BAK1: variants seen among roughly 807,000 people sequenced by gnomAD.
BAK1 encodes the protein BCL2 antagonist/killer 1.
In BAK1, 19 loss-of-function variants were observed where a neutral mutation model predicts 24.7. That is an observed-to-expected ratio of 0.77 (90% CI 0.54 to 1.13). The LOEUF is 1.13. Among genes scored for constraint, BAK1 ranks in the 50% most tolerant of loss-of-function variants. The pLI is 0.00. For missense variants in BAK1, 194 were observed against 279.4 expected, an observed-to-expected ratio of 0.69 and a Z score of 2.18; for synonymous variants, 86 against 107.3, an observed-to-expected ratio of 0.80 and a Z score of 1.23.
rs112843934 is a variant in BAK1, at chr6:33,575,524, T to C, written c.207-83A>G. 5.1e-6 allele frequency: 8 copies of C among 1,570,870 alleles called. No individual in the cohort carries two copies. The highest frequency in any genetic ancestry group is 2.7e-5 in the African/African-American group (2 of 74,084). On this transcript the variant is annotated intron_variant, in intron 3 of 5. Transcript: ENST00000374467. The surrounding 1 kb of genome is among the most constrained non-coding windows in gnomAD (Gnocchi z 6.3). Reference sequence around the variant, plus strand: ...TGGCTCATGGCAGAGGGGTTCTGCCTGAGCTGTCCATGGCCCTGTGCATCC... The same window carrying C: ...TGGCTCATGGCAGAGGGGTTCTGCCCGAGCTGTCCATGGCCCTGTGCATCC...
intron 2 of BAK1, among the ~76,000 whole-genome samples, chr6:33,576,402 G>A (rs144676565): frequency 0.026 from 3,914 of 151,174 alleles, 167 homozygotes; most frequent in African/African-American, 0.089. Flanking sequence ...AGGCCAAGGC[G>A]GGCGGATCAC....
intron 5 of BAK1, 47 bp downstream of exon 5, chr6:33,573,987 G>A: frequency 6.2e-7 from 1 of 1,612,884 alleles, no homozygotes; most frequent in Non-Finnish European, 8.5e-7. Context: ...CCTGGGAGAG[G>A]GGCAGCCCCA....
chr6:33,577,910 T>G lies in BAK1; in HGVS notation c.-31-275A>C, dbSNP rs1256963652. 1.3e-5 allele frequency among the ~76,000 whole-genome samples: 2 copies of G among 152,190 alleles called. No individual in the cohort carries two copies. Among genetic ancestry groups the G allele is most frequent in the Non-Finnish European group, 2.9e-5 (2 of 68,036 alleles). ...CTCCAGCATGGGTCCCAGTGAAGTC[T>G]GCTGGGAGGAAACAACTTACTGAAC... On this transcript the variant is annotated intron_variant, in intron 1 of 5. Transcript: ENST00000374467. The surrounding 1 kb of genome is among the most constrained non-coding windows in gnomAD (Gnocchi z 4.6).
chr6:33,577,741 C>A lies in BAK1; in HGVS notation c.-31-106G>T. The A allele has an allele frequency of 1.4e-6, 1 of 730,264 alleles. No individual in the cohort carries two copies. 45.2% of individuals were successfully genotyped at this position (730,264 alleles called of 1,614,324 possible). A position where few individuals can be genotyped will look rare whatever the true frequency, so the allele number is the denominator to read the frequency against. On this transcript the variant is annotated intron_variant, in intron 1 of 5. Coordinates refer to ENST00000374467, the MANE Select transcript of BAK1 (RefSeq NM_001188.4). This position sits in a 1 kb window ranked among gnomAD's most constrained non-coding sequence, Gnocchi z 4.6. ...CACATAGGAGAGAGGATCCCCCATT[C>A]CCAGAAAGGCCCTTAGTCCTCTGGG... is the stretch of plus-strand genomic sequence containing the variant.
chr6:33,575,257 CAG>C lies in BAK1; in HGVS notation c.350+39_350+40del, dbSNP rs1193305914. 1 of 1,613,990 alleles carries C rather than the reference CAG, an allele frequency of 6.2e-7. No individual in the cohort carries two copies. ...AGGGTATGGTATGGTTGTGACATGA[CAG>C]AGGAGTGACTGGAGCTGGCAGGGAG... On this transcript the variant is annotated intron_variant, in intron 4 of 5. Transcript: ENST00000374467. This position sits in a 1 kb window ranked among gnomAD's most constrained non-coding sequence, Gnocchi z 6.3.
chr6:33,574,278 C>T, intron 4 of BAK1, 64 bp from the exon 5 acceptor site: 11 of 1,560,750 alleles, frequency 7.0e-6, no homozygotes, highest in Non-Finnish European at 9.6e-6. Context: ...GCCTGCCTGG[C>T]CTCTCCCACC....
In BAK1 at chr6:33,573,307, A is replaced by C. The variant is rs1167800595; in HGVS notation, c.*496T>G. Reference sequence around the variant, plus strand: ...CTTAGGGACGGCCAGGACCAGGCTCAGGTCCTAGTCCCATCTCTTAGGGTG... The same window carrying C: ...CTTAGGGACGGCCAGGACCAGGCTCCGGTCCTAGTCCCATCTCTTAGGGTG... On this transcript the variant is annotated 3_prime_UTR_variant, in exon 6 of 6. Transcript: ENST00000374467. The C allele has an allele frequency of 6.3e-6, 1 of 157,862 alleles. No individual in the cohort carries two copies. Among genetic ancestry groups the C allele is most frequent in the Non-Finnish European group, 1.4e-5 (1 of 70,960 alleles). The allele number at this position is 157,862 out of a possible 1,614,324, so 9.8% of individuals were successfully genotyped here.
chr6:33,577,667 G>C lies in BAK1; in HGVS notation c.-31-32C>G. 1 of 1,444,520 alleles carries C rather than the reference G, an allele frequency of 6.9e-7. No individual in the cohort carries two copies. The highest frequency in any genetic ancestry group is 1.3e-5 in the South Asian group (1 of 78,408). 89.5% of individuals were successfully genotyped at this position (1,444,520 alleles called of 1,614,324 possible). On this transcript the variant is annotated intron_variant, in intron 1 of 5. Transcript: ENST00000374467. The surrounding 1 kb of genome is among the most constrained non-coding windows in gnomAD (Gnocchi z 4.6). The stretch of plus-strand genomic sequence containing the variant: ...GGAAGGGCGAGAAAAAGCAGAGATG[G>C]GGGTGAGCACAGACCTGTGACTGGG...
Position 33,575,108 on chromosome 6 carries a change from C to T in BAK1, c.350+190G>A. ...AGCTCAAAAGAGCTGTGAGCTAATGCCCAAAATACAAGTCTGGGACCCCGA... is the reference window on the plus strand; with the variant it reads ...AGCTCAAAAGAGCTGTGAGCTAATGTCCAAAATACAAGTCTGGGACCCCGA... On this transcript the variant is annotated intron_variant, in intron 4 of 5. Transcript: ENST00000374467. The surrounding 1 kb of genome is among the most constrained non-coding windows in gnomAD (Gnocchi z 6.3). 1 of 812,284 alleles carries T rather than the reference C, an allele frequency of 1.2e-6. No individual in the cohort carries two copies. Among genetic ancestry groups the T allele is most frequent in the Non-Finnish European group, 2.1e-6 (1 of 486,976 alleles). The allele number at this position is 812,284 out of a possible 1,614,324, so 50.3% of individuals were successfully genotyped here.
chr6:33,576,837 G>T (rs918457788), intron 2 of BAK1, among the ~76,000 whole-genome samples: 2 of 152,186 alleles, frequency 1.3e-5, no homozygotes, highest in African/African-American at 2.4e-5. Flanking sequence ...GGGTGTCTGA[G>T]TAACGTGTGC....
At position 33,575,529 on chromosome 6, in the gene BAK1, T is replaced by G; in HGVS notation, c.207-88A>C. ...CATGGCAGAGGGGTTCTGCCTGAGC[T>G]GTCCATGGCCCTGTGCATCCCTTCT... On this transcript the variant is annotated intron_variant, in intron 3 of 5. Coordinates refer to ENST00000374467, the MANE Select transcript of BAK1 (RefSeq NM_001188.4). This position sits in a 1 kb window ranked among gnomAD's most constrained non-coding sequence, Gnocchi z 6.3. The G allele has an allele frequency of 2.6e-6, 4 of 1,557,700 alleles. No individual in the cohort carries two copies. The highest frequency in any genetic ancestry group is 3.5e-6 in the Non-Finnish European group (4 of 1,136,390).
In BAK1 at chr6:33,578,350, T is replaced by C. The variant is rs966695140; in HGVS notation, c.-31-715A>G. On this transcript the variant is annotated intron_variant, in intron 1 of 5. Transcript: ENST00000374467. The surrounding 1 kb of genome is among the most constrained non-coding windows in gnomAD (Gnocchi z 4.8). The stretch of plus-strand genomic sequence containing the variant: ...AGGGTGAGCGCCATCATACCCACTT[T>C]ACAGGCAGGAAAAGTGAGGCACAAA... Among the ~76,000 whole-genome samples, 2 of 152,164 alleles carry C rather than the reference T, an allele frequency of 1.3e-5. No individual in the cohort carries two copies. The highest frequency in any genetic ancestry group is 3.8e-4 in the East Asian group (2 of 5,196).
At chr6:33,579,060 T>C (rs210142) in intron 1 of BAK1, among the ~76,000 whole-genome samples, 112,685 of 152,170 alleles carry the variant, frequency 0.74, 41,826 homozygotes, top group South Asian at 0.86. Context: ...AAGGCAGACC[T>C]TCCTCTCCTC....
Position 33,575,306 on chromosome 6 carries a change from A to G in BAK1, c.342T>C (p.Ile114=). ...AENAYEYFTK[I]ATSLFESGIN... ...GGAGGTGGCTGGGGTACCTGGTGGC[A>G]ATCTTGGTGAAGTACTCATAGGCAT... is the stretch of plus-strand genomic sequence containing the variant. Residue 114 remains isoleucine (I), a synonymous_variant, in exon 4 of 6, where the codon ATT becomes ATC. Transcript: ENST00000374467. This position sits in a 1 kb window ranked among gnomAD's most constrained non-coding sequence, Gnocchi z 6.3. 6.2e-7 allele frequency: 1 copy of G among 1,614,136 alleles called. No individual in the cohort carries two copies. The highest frequency in any genetic ancestry group is 8.5e-7 in the Non-Finnish European group (1 of 1,180,014).
At chr6:33,576,447 G>A (rs1395627254) in intron 2 of BAK1, among the ~76,000 whole-genome samples, 4 of 151,718 alleles carry the variant, frequency 2.6e-5, no homozygotes, top group Admixed American at 6.6e-5. Context: ...TGGCTAACAT[G>A]GTGAAACCCC....
rs968436443 is a variant in BAK1, at chr6:33,578,075, G to A, written c.-31-440C>T. 2.0e-5 allele frequency among the ~76,000 whole-genome samples: 3 copies of A among 152,200 alleles called. No homozygotes were observed. The highest frequency in any genetic ancestry group is 2.0e-4 in the Admixed American group (3 of 15,278). ...TGCCACTCCTGGGGCAAGAGCCTGG[G>A]GGGTTTTTAGCTGTTCCTGGGGCCT... On this transcript the variant is annotated intron_variant, in intron 1 of 5. Transcript: ENST00000374467. The surrounding 1 kb of genome is among the most constrained non-coding windows in gnomAD (Gnocchi z 4.8).
Position 33,575,286 on chromosome 6 carries a change from T to C in BAK1, c.350+12A>G. 6.2e-7 allele frequency: 1 copy of C among 1,613,428 alleles called. No individual in the cohort carries two copies. Among genetic ancestry groups the C allele is most frequent in the Non-Finnish European group, 8.5e-7 (1 of 1,179,866 alleles). On this transcript the variant is annotated intron_variant, in intron 4 of 5. Coordinates refer to ENST00000374467, the MANE Select transcript of BAK1 (RefSeq NM_001188.4). The surrounding 1 kb of genome is among the most constrained non-coding windows in gnomAD (Gnocchi z 6.3). ...GGAGTGACTGGAGCTGGCAGGGAGGTGGCTGGGGTACCTGGTGGCAATCTT... is the reference window on the plus strand; with the variant it reads ...GGAGTGACTGGAGCTGGCAGGGAGGCGGCTGGGGTACCTGGTGGCAATCTT...
rs1762798277 is a variant in BAK1 at position 33,573,727 on chromosome 6, G to A, written c.*76C>T. 7.1e-6 allele frequency: 8 copies of A among 1,128,838 alleles called. No individual in the cohort carries two copies. Among genetic ancestry groups the A allele is most frequent in the South Asian group, 6.8e-5 (5 of 73,154 alleles). The allele number at this position is 1,128,838 out of a possible 1,614,324, so 69.9% of individuals were successfully genotyped here. ...ACTCTTGAGGGGGGACCCCTGCAAG[G>A]GAACAGAGAAGGCAAAGACTTCGCT... On this transcript the variant is annotated 3_prime_UTR_variant, in exon 6 of 6. Coordinates refer to ENST00000374467, the MANE Select transcript of BAK1 (RefSeq NM_001188.4).
rs1370481777 is a variant in BAK1, at chr6:33,577,343, A to G, written c.70+192T>C. On this transcript the variant is annotated intron_variant, in intron 2 of 5. Coordinates refer to ENST00000374467, the MANE Select transcript of BAK1 (RefSeq NM_001188.4). This position sits in a 1 kb window ranked among gnomAD's most constrained non-coding sequence, Gnocchi z 4.6. ...CTCTCCCAACCTCCAGGCCCTCCCC[A>G]GTCCAGACTCCTCCCCCTCCTGGGC... is the stretch of plus-strand genomic sequence containing the variant. Among the ~76,000 whole-genome samples, 2 of 151,898 alleles carry G rather than the reference A, an allele frequency of 1.3e-5. No homozygotes were observed. Among genetic ancestry groups the G allele is most frequent in the Non-Finnish European group, 2.9e-5 (2 of 67,966 alleles).
Sources: gnomAD v4.1 joint callset for allele counts (sites outside exome capture counted in the v4.1 genomes callset) on GRCh38, gnomAD v4.1.1 for gene constraint, Gnocchi (gnomAD v3.1) non-coding constraint, MANE v1.5 for transcripts, NCBI Gene and HGNC (gene_info 2026-07-23, HGNC 2026-07-21) for gene names.